Variants in CLYBL observed in about 807,000 individuals in gnomAD.
CLYBL encodes citramalyl-CoA lyase, mitochondrial.
In CLYBL, 31 loss-of-function variants were observed where a neutral mutation model predicts 38.9. The ratio of observed to expected loss-of-function variants is 0.80; its 90% CI spans 0.60 to 1.08. CLYBL has a LOEUF of 1.08. Among genes scored for constraint, CLYBL ranks in the 50% least tolerant of loss-of-function variants. The pLI, the probability that CLYBL is intolerant of heterozygous loss-of-function variation, is 0.00. For missense variants in CLYBL, 434 were observed against 411.6 expected, an observed-to-expected ratio of 1.05 and a Z score of -0.47; for synonymous variants, 171 against 158.6, an observed-to-expected ratio of 1.08 and a Z score of -0.59.
At position 99,720,719 on chromosome 13, in the gene CLYBL, T is replaced by G. The variant is rs77203306; in HGVS notation, c.63-52105T>G. On this transcript the variant is annotated intron_variant, in intron 1 of 8. Transcript: ENST00000339105. Reference sequence around the variant, plus strand: ...TGGTTGATTTTGCTGCTTAGTAACATTCTGCTGTGAAGAAAAATTGTTCTT... The same window carrying G: ...TGGTTGATTTTGCTGCTTAGTAACAGTCTGCTGTGAAGAAAAATTGTTCTT... 2.7e-3 allele frequency among the ~76,000 whole-genome samples: 405 copies of G among 152,352 alleles called. 3 individuals are homozygous for G. The highest frequency in any genetic ancestry group is 4.6e-3 in the Admixed American group (71 of 15,308).
At chr13:99,749,728 G>A (rs2048920045) in intron 1 of CLYBL, among the ~76,000 whole-genome samples, 1 of 152,140 alleles carries the variant, frequency 6.6e-6, no homozygotes, top group South Asian at 2.1e-4. Flanking sequence ...TATTTATATT[G>A]GCACCACATG....
chr13:99,670,314 G>A (rs562866037), intron 1 of CLYBL, among the ~76,000 whole-genome samples: 8 of 152,314 alleles, frequency 5.3e-5, no homozygotes, highest in South Asian at 4.1e-4. Context: ...CTATGATTGC[G>A]TCTGTGAATA....
chr13:99,826,934 T>C (rs2050707110), intron 2 of CLYBL, among the ~76,000 whole-genome samples: 1 of 152,254 alleles, frequency 6.6e-6, no homozygotes, highest in Admixed American at 6.5e-5. Flanking sequence ...TGAAGGTGTC[T>C]TTCCTTGAAA....
intron 1 of CLYBL, among the ~76,000 whole-genome samples, chr13:99,623,535 A>AGCAGGGAAG (rs1431432223): frequency 6.6e-6 from 1 of 152,098 alleles, no homozygotes. Context: ...TGTTCCCTCA[A>AGCAGGGAAG]GCAGGGAAGG....
At chr13:99,654,068 A>T (rs889513600) in intron 1 of CLYBL, among the ~76,000 whole-genome samples, 11 of 152,168 alleles carry the variant, frequency 7.2e-5, no homozygotes, top group Admixed American at 2.0e-4. Context: ...ATCTTCCCCA[A>T]GGCGGCTGCT....
intron 1 of CLYBL, among the ~76,000 whole-genome samples, chr13:99,699,855 G>A (rs1360145182): frequency 2.6e-5 from 4 of 151,522 alleles, no homozygotes; most frequent in South Asian, 2.1e-4. Context: ...TTAGCTGGGC[G>A]TGGTGGCGGG....
At chr13:99,879,290 A>G (rs1209335063) in intron 7 of CLYBL, among the ~76,000 whole-genome samples, 1 of 152,224 alleles carries the variant, frequency 6.6e-6, no homozygotes, top group East Asian at 1.9e-4. Context: ...CTGCCTTTGT[A>G]AAAAGCAGAA....
chr13:99,895,465 G>A (rs953873782), downstream of CLYBL: 1 of 152,214 alleles, frequency 6.6e-6, no homozygotes, highest in Admixed American at 6.5e-5. Context: ...GCTCGTCTTC[G>A]CGGGGAGGCG....
intron 1 of CLYBL, among the ~76,000 whole-genome samples, chr13:99,703,256 G>A (rs1258047259): frequency 6.6e-6 from 1 of 152,194 alleles, no homozygotes; most frequent in Non-Finnish European, 1.5e-5. Context: ...CATCTCCATT[G>A]TCCCTTTTTA....
At chr13:99,764,014 GGA>G (rs1488010275) in intron 1 of CLYBL, among the ~76,000 whole-genome samples, 7 of 151,948 alleles carry the variant, frequency 4.6e-5, no homozygotes. Context: ...AATTAGCTTG[GGA>G]GTATTGGAGT....
intron 2 of CLYBL, among the ~76,000 whole-genome samples, chr13:99,784,947 A>G (rs2049753681): frequency 6.6e-6 from 1 of 151,752 alleles, no homozygotes; most frequent in South Asian, 2.1e-4. Context: ...CTTGGGGTGC[A>G]ATGGTGCGAT....
chr13:99,844,531 C>T (rs958998100), intron 2 of CLYBL, among the ~76,000 whole-genome samples: 1 of 152,240 alleles, frequency 6.6e-6, no homozygotes, highest in Non-Finnish European at 1.5e-5. Flanking sequence ...CTGCACATCA[C>T]TCAGTGTTAA....
chr13:99,829,774 C>T (rs1372306369), intron 2 of CLYBL, among the ~76,000 whole-genome samples: 12 of 152,160 alleles, frequency 7.9e-5, no homozygotes, highest in African/African-American at 2.2e-4. Flanking sequence ...CAATCAACTC[C>T]GAAATGTGAC....
At chr13:99,754,962 A>G (rs183759117) in intron 1 of CLYBL, among the ~76,000 whole-genome samples, 12 of 149,992 alleles carry the variant, frequency 8.0e-5, no homozygotes, top group African/African-American at 3.0e-4. Context: ...CAGTGGCGCA[A>G]TCTCGCCTCA....
chr13:99,898,443 A>G (rs1035894009), downstream of CLYBL, among the ~76,000 whole-genome samples: 12 of 152,204 alleles, frequency 7.9e-5, no homozygotes, highest in Non-Finnish European at 2.9e-5. Flanking sequence ...TTCTGGGAGA[A>G]CTGTGCTGGC....
intron 1 of CLYBL, 30 bp downstream of exon 1, chr13:99,606,787 C>T (rs2046530429): frequency 1.5e-6 from 2 of 1,372,494 alleles, no homozygotes; most frequent in Non-Finnish European, 1.9e-6. Flanking sequence ...CCCCGCCTTC[C>T]CGGCCCGGCT....
intron 6 of CLYBL, among the ~76,000 whole-genome samples, chr13:99,870,301 A>C (rs1018528872): frequency 4.6e-5 from 7 of 152,154 alleles, no homozygotes; most frequent in Non-Finnish European, 8.8e-5. Context: ...ATTTTACCAT[A>C]CTGAATAAAA....
chr13:99,887,268 G>A (rs918754149), intron 7 of CLYBL, among the ~76,000 whole-genome samples: 8 of 152,152 alleles, frequency 5.3e-5, no homozygotes, highest in African/African-American at 1.9e-4. Context: ...GATTCAGGGG[G>A]TCACAGAACA....
intron 1 of CLYBL, among the ~76,000 whole-genome samples, chr13:99,639,379 ACT>A (rs2047063745): frequency 6.6e-6 from 1 of 152,066 alleles, no homozygotes; most frequent in Admixed American, 6.6e-5. Context: ...AGCTAAAATA[ACT>A]CTACTATGCT....
Sources: gnomAD v4.1 joint callset for allele counts (sites outside exome capture counted in the v4.1 genomes callset) on GRCh38, gnomAD v4.1.1 for gene constraint, MANE v1.5 for transcripts, NCBI Gene and HGNC (gene_info 2026-07-23, HGNC 2026-07-21) for gene names.